Variants in ETFBKMT observed in about 807,000 individuals in gnomAD.
The protein encoded by ETFBKMT is electron transfer flavoprotein subunit beta lysine methyltransferase.
ETFBKMT carries 13 observed loss-of-function variants against 18.3 expected under a neutral mutation model. That is an observed-to-expected ratio of 0.71 (90% CI 0.46 to 1.13). The LOEUF is 1.13. Ranked by LOEUF, ETFBKMT falls within the 50% of genes most tolerant of loss-of-function variation. The pLI, the probability that ETFBKMT is intolerant of heterozygous loss-of-function variation, is 0.00. For synonymous variants in ETFBKMT, 84 were observed against 107.9 expected (o/e 0.78, Z 1.37); for missense variants, 293 against 306.2 (o/e 0.96, Z 0.32).
intron 2 of ETFBKMT, among the ~76,000 whole-genome samples, chr12:31,664,034 C>G (rs1951163396): frequency 6.6e-6 from 1 of 151,170 alleles, no homozygotes; most frequent in South Asian, 2.1e-4. Flanking sequence ...TTTCATATGT[C>G]CTGTTTCTGC....
At position 31,672,161 on chromosome 12, in the gene ETFBKMT, T is replaced by G; in HGVS notation, c.*4171T>G. 1.6e-6 allele frequency: 1 copy of G among 627,326 alleles called. No homozygotes were observed. The highest frequency in any genetic ancestry group is 2.8e-6 in the Non-Finnish European group (1 of 355,496). 38.9% of individuals were successfully genotyped at this position (627,326 alleles called of 1,614,324 possible). A position where few individuals can be genotyped will look rare whatever the true frequency, so the allele number is the denominator to read the frequency against. On this transcript the variant is annotated 3_prime_UTR_variant, in exon 4 of 4. Transcript: ENST00000357721. ...AACCATGTATATACCAAGACTTAGC[T>G]AATTCTCTGAGAGTTATAACTTAAG...
chr12:31,654,943 G>A (rs1334868536), upstream of ETFBKMT, among the ~76,000 whole-genome samples: 1 of 151,582 alleles, frequency 6.6e-6, no homozygotes, highest in African/African-American at 2.4e-5. Flanking sequence ...GTAATCCCAG[G>A]TACTCGGGAG....
chr12:31,654,911 C>G (rs1951047423), upstream of ETFBKMT, among the ~76,000 whole-genome samples: 1 of 151,774 alleles, frequency 6.6e-6, no homozygotes, highest in African/African-American at 2.4e-5. Context: ...TAAAAATTAG[C>G]CAGGTGTGGT....
At chr12:31,664,094 C>CG (rs1330270436) in intron 2 of ETFBKMT, among the ~76,000 whole-genome samples, 7 of 151,346 alleles carry the variant, frequency 4.6e-5, no homozygotes, top group Non-Finnish European at 7.4e-5. Context: ...CTATGTCCAA[C>CG]GGGTCCCCTT....
intron 3 of ETFBKMT, 93 bp from the exon 4 acceptor site, chr12:31,667,554 T>C (rs1951214090): frequency 7.2e-6 from 7 of 974,320 alleles, no homozygotes; most frequent in Non-Finnish European, 1.0e-5. Context: ...AAGAAAAATA[T>C]ATTGTTAGCA....
chr12:31,663,096 A>ATT (rs563592807), intron 2 of ETFBKMT, among the ~76,000 whole-genome samples: 1 of 147,224 alleles, frequency 6.8e-6, no homozygotes, highest in Non-Finnish European at 1.5e-5. Context: ...ACAAAAAAAA[A>ATT]TTTTTTTTTT....
rs1469265001 is a variant in ETFBKMT at position 31,648,564 on chromosome 12, T to TC, written c.-114+1309_-114+1310insC. Among the ~76,000 whole-genome samples, 12 of 101,374 alleles carry TC rather than the reference T, an allele frequency of 1.2e-4. 1 individual carries two copies. In the South Asian group the frequency reaches 3.5e-3, roughly 30 times the overall value. 66.5% of individuals were successfully genotyped at this position (101,374 alleles called of 152,430 possible). ...TTTAGTAGAGATGGGTTTCTTTTTT[T>TC]TTTTTTTTTTTTTTTTTGAGACGGA... is the stretch of plus-strand genomic sequence containing the variant. On this transcript the variant is annotated intron_variant, in intron 1 of 3. Transcript: ENST00000412352.
In ETFBKMT at chr12:31,672,240, A is replaced by T; in HGVS notation, c.*4250A>T. 3 of 1,100,798 alleles carry T rather than the reference A, an allele frequency of 2.7e-6. No homozygotes were observed. Among genetic ancestry groups the T allele is most frequent in the Admixed American group, 2.0e-5 (1 of 49,686 alleles). The allele number at this position is 1,100,798 out of a possible 1,614,324, so 68.2% of individuals were successfully genotyped here. A position where few individuals can be genotyped will look rare whatever the true frequency, so the allele number is the denominator to read the frequency against. ...CATTAAGTAGAATGCAAATCTCTAT[A>T]GATGGTTTCCTGGGAAAGTAGTTTT... is the stretch of plus-strand genomic sequence containing the variant. On this transcript the variant is annotated 3_prime_UTR_variant, in exon 4 of 4. Coordinates refer to ENST00000357721, the MANE Select transcript of ETFBKMT (RefSeq NM_001135863.2).
At chr12:31,652,747 A>G (rs1951028028) in intron 1 of ETFBKMT, among the ~76,000 whole-genome samples, 1 of 152,220 alleles carries the variant, frequency 6.6e-6, no homozygotes, top group South Asian at 2.1e-4. Context: ...CAGATTCTGC[A>G]TAGACAGTGT....
At chr12:31,662,594 G>A (rs1216046567) in intron 2 of ETFBKMT, among the ~76,000 whole-genome samples, 1 of 148,520 alleles carries the variant, frequency 6.7e-6, no homozygotes, top group Non-Finnish European at 1.5e-5. Flanking sequence ...CTCCCCAAGT[G>A]CTGGTATTAC....
intron 3 of ETFBKMT, 60 bp from the exon 4 acceptor site, chr12:31,667,587 A>G (rs747086145): frequency 1.7e-6 from 2 of 1,179,536 alleles, no homozygotes; most frequent in African/African-American, 1.5e-5. Flanking sequence ...TATTTAATCA[A>G]CATGGAATTA....
chr12:31,659,011 G>A (rs930414594), upstream of ETFBKMT, among the ~76,000 whole-genome samples: 2 of 149,910 alleles, frequency 1.3e-5, no homozygotes, highest in African/African-American at 4.9e-5. Flanking sequence ...CTGGCACATA[G>A]TAGGTGTTGC....
At chr12:31,662,939 C>T (rs1333554916) in intron 2 of ETFBKMT, among the ~76,000 whole-genome samples, 1 of 152,092 alleles carries the variant, frequency 6.6e-6, no homozygotes, top group African/African-American at 2.4e-5. Context: ...AAAACAGGAG[C>T]TGTGAGTGAG....
At chr12:31,657,651 G>A (rs1216990657), upstream of ETFBKMT, among the ~76,000 whole-genome samples, 1 of 151,966 alleles carries the variant, frequency 6.6e-6, no homozygotes, top group African/African-American at 2.4e-5. Context: ...AATTAGCTGG[G>A]TGTGGTGGTG....
At position 31,662,187 on chromosome 12, in the gene ETFBKMT, C is replaced by G. The variant is rs756532453; in HGVS notation, c.234C>G (p.Phe78Leu). The G allele has an allele frequency of 6.2e-7, 1 of 1,614,246 alleles. No homozygotes were observed. Among genetic ancestry groups the G allele is most frequent in the Non-Finnish European group, 8.5e-7 (1 of 1,180,044 alleles). ...GGCTTTTGACCCCCAGATGCAAATT[C>G]TGGTGGGAGAGAGCTGACCTGTGGC... ...QLRLLTPRCK[F>L]WWERADLWPH... is the part of the protein sequence containing the mutation. The change falls in exon 2 of 4, where the codon TTC becomes TTG. Residue 78 changes from phenylalanine to leucine, a missense_variant. Phe to Leu is a conservative substitution (Grantham distance 22). Coordinates refer to ENST00000357721, the MANE Select transcript of ETFBKMT (RefSeq NM_001135863.2).
At position 31,660,882 on chromosome 12, in the gene ETFBKMT, C is replaced by T. The variant is rs528176613; in HGVS notation, c.-113-959C>T. The T allele has an allele frequency of 3.3e-5, 5 of 152,308 alleles. No individual in the cohort carries two copies. In the East Asian group the frequency reaches 9.6e-4, roughly 29 times the overall value. The allele number at this position is 152,308 out of a possible 1,614,324, so 9.4% of individuals were successfully genotyped here. On this transcript the variant is annotated intron_variant, in intron 1 of 3. Transcript: ENST00000357721. ...GTTTGCCCTGTTAACTGCTTTATCCCACCACTAGAATATAAGCTTCCTGAA... is the reference window on the plus strand; with the variant it reads ...GTTTGCCCTGTTAACTGCTTTATCCTACCACTAGAATATAAGCTTCCTGAA...
In ETFBKMT at chr12:31,668,845, A is replaced by G. The variant is rs568729250; in HGVS notation, c.*855A>G. On this transcript the variant is annotated 3_prime_UTR_variant, in exon 4 of 4. Transcript: ENST00000357721. ...CTTTTGATTTTTTCTTATAGCTTCTATCTCTGCTTACGTCACCCATCATTC... is the reference window on the plus strand; with the variant it reads ...CTTTTGATTTTTTCTTATAGCTTCTGTCTCTGCTTACGTCACCCATCATTC... 1 of 152,096 alleles carries G rather than the reference A, an allele frequency of 6.6e-6. No homozygotes were observed. Among genetic ancestry groups the G allele is most frequent in the South Asian group, 2.1e-4 (1 of 4,828 alleles). The allele number at this position is 152,096 out of a possible 1,614,324, so 9.4% of individuals were successfully genotyped here. A position where few individuals can be genotyped will look rare whatever the true frequency, so the allele number is the denominator to read the frequency against.
chr12:31,651,729 C>CACTT (rs1739564508), intron 1 of ETFBKMT, among the ~76,000 whole-genome samples: 2 of 152,200 alleles, frequency 1.3e-5, no homozygotes, highest in African/African-American at 4.8e-5. Context: ...ACTAAACGAA[C>CACTT]ACTTACCTTT....
chr12:31,651,645 A>G (rs1404242396), intron 1 of ETFBKMT, among the ~76,000 whole-genome samples: 2 of 152,036 alleles, frequency 1.3e-5, no homozygotes, highest in African/African-American at 4.8e-5. Context: ...GCCTTCCTTT[A>G]GTAGAAAGAG....
Sources: gnomAD v4.1 joint callset for allele counts (sites outside exome capture counted in the v4.1 genomes callset) on GRCh38, gnomAD v4.1.1 for gene constraint, MANE v1.5 for transcripts, NCBI Gene and HGNC (gene_info 2026-07-23, HGNC 2026-07-21) for gene names.